The following AP4E1 variants were observed in gnomAD, a reference collection of about 807,000 sequenced individuals.
AP4E1 encodes the protein AP-4 complex subunit epsilon-1.
In AP4E1, 56 loss-of-function variants were observed where a neutral mutation model predicts 128.2. That is an observed-to-expected ratio of 0.44 (90% CI 0.35 to 0.55). The LOEUF (loss-of-function observed/expected upper bound fraction) is 0.55. Among genes scored for constraint, AP4E1 ranks in the 20% least tolerant of loss-of-function variants. The probability of loss-of-function intolerance (pLI) is 0.00; values close to 1 mark genes in which losing one functional copy is unlikely to be tolerated. For synonymous variants in AP4E1, 484 were observed against 473.1 expected, an observed-to-expected ratio of 1.02 and a Z score of -0.30; for missense variants, 1,324 against 1,307.7, an observed-to-expected ratio of 1.01 and a Z score of -0.19.
intron 13 of AP4E1, among the ~76,000 whole-genome samples, chr15:50,955,250 T>G (rs2064202966): frequency 6.6e-6 from 1 of 152,218 alleles, no homozygotes; most frequent in South Asian, 2.1e-4. Context: ...CCTTGAGGAA[T>G]AGCCACACTG....
chr15:50,923,951 T>C lies in AP4E1; in HGVS notation c.367T>C (p.Phe123Leu), dbSNP rs2063738550. 2 of 1,612,262 alleles carry C rather than the reference T, an allele frequency of 1.2e-6. No individual in the cohort carries two copies. The highest frequency in any genetic ancestry group is 2.2e-5 in the East Asian group (1 of 44,732). Residue 123 changes from phenylalanine (F) to leucine (L), a missense_variant, in exon 4 of 21, where the codon TTT (phenylalanine) becomes CTT (leucine). By Grantham distance (22) the Phe-to-Leu change is conservative (BLOSUM62 0). Transcript: ENST00000261842. ...KRVGYLAVSLFLHESHELLLL... is the reference protein window; with the variant it reads ...KRVGYLAVSLLLHESHELLLL... ...TATAGGTTATTTGGCTGTTTCCTTATTTCTACATGAAAGTCATGAATTATT... is the reference window on the plus strand; with the variant it reads ...TATAGGTTATTTGGCTGTTTCCTTACTTCTACATGAAAGTCATGAATTATT...
chr15:50,957,018 A>G (rs961300754), intron 13 of AP4E1, among the ~76,000 whole-genome samples: 1 of 152,052 alleles, frequency 6.6e-6, no homozygotes, highest in Non-Finnish European at 1.5e-5. Context: ...GGCAGCATCT[A>G]GTGGGGAGTA....
chr15:50,985,739 T>C (rs1349986884), intron 16 of AP4E1, among the ~76,000 whole-genome samples: 1 of 152,206 alleles, frequency 6.6e-6, no homozygotes, highest in Non-Finnish European at 1.5e-5. Flanking sequence ...TGAAGTCAGG[T>C]AGAGTGATGC....
rs2140944316 is a variant in AP4E1, at chr15:51,005,346, C to G, written c.*2684C>G. 1 of 152,958 alleles carries G rather than the reference C, an allele frequency of 6.5e-6. No individual in the cohort carries two copies. The allele number at this position is 152,958 out of a possible 1,614,324, so 9.5% of individuals were successfully genotyped here. A position where few individuals can be genotyped will look rare whatever the true frequency, so the allele number is the denominator to read the frequency against. ...AATGGAGATGGCAGCAAGTGTGAAT[C>G]TGGGGGAATATAAGGGAAGACAGAA... is the stretch of plus-strand genomic sequence containing the variant. On this transcript the variant is annotated 3_prime_UTR_variant, in exon 21 of 21. Transcript: ENST00000261842.
chr15:50,982,439 A>T (rs966737959), intron 15 of AP4E1, among the ~76,000 whole-genome samples: 2 of 152,210 alleles, frequency 1.3e-5, no homozygotes, highest in African/African-American at 4.8e-5. Flanking sequence ...GAGTTTTTTA[A>T]AAATGAGACT....
chr15:50,997,607 A>T lies in AP4E1; in HGVS notation c.2628A>T (p.Ser876=). 1 of 1,614,080 alleles carries T rather than the reference A, an allele frequency of 6.2e-7. No homozygotes were observed. The highest frequency in any genetic ancestry group is 1.1e-5 in the South Asian group (1 of 91,076). ...KFSYCSLSTP[S]LFANNNMEIF... ...CATATTGTAGTCTGTCTACACCTTC[A>T]TTGTTTGCTAATAACAACATGGAAA... The change falls in exon 18 of 21, where the codon TCA becomes TCT. Residue 876 remains serine, a synonymous_variant. Transcript: ENST00000261842.
rs752770458 is a variant in AP4E1, at chr15:50,997,394, C to A, written c.2415C>A (p.Gly805=). The A allele has an allele frequency of 5.0e-6, 8 of 1,605,428 alleles. No individual in the cohort carries two copies. The highest frequency in any genetic ancestry group is 6.8e-6 in the Non-Finnish European group (8 of 1,177,138). Residue 805 remains glycine, a synonymous_variant, in exon 18 of 21, where the codon GGC becomes GGA. Coordinates refer to ENST00000261842, the MANE Select transcript of AP4E1 (RefSeq NM_007347.5). The part of the protein sequence containing the change: ...RKSKVKEAKS[G]ETTSTHNMTC... ...CAAAAGTCAAAGAAGCTAAAAGTGGCGAAACAACCAGTACTCATAATATGA... is the reference window on the plus strand; with the variant it reads ...CAAAAGTCAAAGAAGCTAAAAGTGGAGAAACAACCAGTACTCATAATATGA...
chr15:50,946,319 G>A (rs922862402), intron 10 of AP4E1, among the ~76,000 whole-genome samples: 7 of 152,024 alleles, frequency 4.6e-5, no homozygotes, highest in Non-Finnish European at 8.8e-5. Flanking sequence ...TGACATTTAA[G>A]ACCAAACGTC....
chr15:50,964,357 A>T (rs1422529830), intron 14 of AP4E1, among the ~76,000 whole-genome samples: 1 of 149,766 alleles, frequency 6.7e-6, no homozygotes, highest in East Asian at 1.9e-4. Flanking sequence ...TGAATTTCTC[A>T]TTCAGATCAT....
chr15:50,984,275 G>C (rs2064685417), intron 16 of AP4E1, 130 bp downstream of exon 16: 1 of 1,136,192 alleles, frequency 8.8e-7, no homozygotes, highest in East Asian at 2.5e-5. Context: ...ACTTTCAAGA[G>C]GTCTATTGTT....
At chr15:50,944,411 A>G (rs2064029657) in intron 10 of AP4E1, among the ~76,000 whole-genome samples, 2 of 152,194 alleles carry the variant, frequency 1.3e-5, no homozygotes, top group East Asian at 1.9e-4. Flanking sequence ...TGGAAATGCC[A>G]TATTTCATGG....
At chr15:50,935,927 G>T (rs1429699263) in intron 8 of AP4E1, among the ~76,000 whole-genome samples, 1 of 152,174 alleles carries the variant, frequency 6.6e-6, no homozygotes. Context: ...TGTATGAATG[G>T]TAATTAAGGT....
At chr15:50,938,809 A>C (rs555094728) in intron 8 of AP4E1, among the ~76,000 whole-genome samples, 43 of 152,280 alleles carry the variant, frequency 2.8e-4, no homozygotes, top group African/African-American at 1.0e-3. Context: ...TACTCCCTCC[A>C]ACAATAACCA....
At chr15:50,908,279 G>T (rs535083708), upstream of AP4E1, among the ~76,000 whole-genome samples, 1 of 151,798 alleles carries the variant, frequency 6.6e-6, no homozygotes, top group African/African-American at 2.4e-5. Flanking sequence ...CCGGGGACCC[G>T]CGTGAAACCG....
chr15:50,940,686 T>G (rs1198759325), intron 8 of AP4E1, among the ~76,000 whole-genome samples: 1 of 152,208 alleles, frequency 6.6e-6, no homozygotes, highest in African/African-American at 2.4e-5. Context: ...TTTTTCTTTA[T>G]CATGGCAAAG....
At chr15:50,999,332 T>A in intron 19 of AP4E1, 70 bp downstream of exon 19, 1 of 1,349,800 alleles carries the variant, frequency 7.4e-7, no homozygotes, top group Non-Finnish European at 1.0e-6. Context: ...CTTCTCTGGA[T>A]GGAGGCACTA....
At chr15:50,911,479 ATTT>A (rs536958160) in intron 1 of AP4E1, among the ~76,000 whole-genome samples, 144 of 124,652 alleles carry the variant, frequency 1.2e-3, no homozygotes, top group Admixed American at 2.4e-3. Flanking sequence ...TCCACCTTTA[ATTT>A]TTTTTTTTTT....
At position 50,977,716 on chromosome 15, in the gene AP4E1, T is replaced by TTTTTG. The variant is rs1567250862; in HGVS notation, c.1967-6302_1967-6301insGTTTT. On this transcript the variant is annotated intron_variant, in intron 15 of 20. Coordinates refer to ENST00000261842, the MANE Select transcript of AP4E1 (RefSeq NM_007347.5). ...TATCAATCTGTTATGGTTTTTTTTT[T>TTTTTG]TTTTTTTTTTAGACAGAGTCTCTCT... is the stretch of plus-strand genomic sequence containing the variant. 9.9e-4 allele frequency among the ~76,000 whole-genome samples: 63 copies of TTTTTG among 63,726 alleles called. 2 individuals are homozygous for TTTTTG. Among genetic ancestry groups the TTTTTG allele is most frequent in the Non-Finnish European group, 4.8e-4 (12 of 25,222 alleles). The allele number at this position is 63,726 out of a possible 152,430, so 41.8% of individuals were successfully genotyped here. A position where few individuals can be genotyped will look rare whatever the true frequency, so the allele number is the denominator to read the frequency against.
chr15:50,908,826 T>G lies in AP4E1; in HGVS notation c.48T>G (p.Phe16Leu). ...CGCTGACGGCGCTGCCGGGACTCTT[T>G]CTGCAGAACCAGCCCGGTGGTGGGC... ...EKTLTALPGL[F>L]LQNQPGGGPA... Residue 16 changes from phenylalanine to leucine, a missense_variant, in exon 1 of 21, where the codon TTT becomes TTG. By Grantham distance (22) the Phe-to-Leu change is conservative. Coordinates refer to ENST00000261842, the MANE Select transcript of AP4E1 (RefSeq NM_007347.5). 6.2e-7 allele frequency: 1 copy of G among 1,606,928 alleles called. No homozygotes were observed. The highest frequency in any genetic ancestry group is 1.1e-5 in the South Asian group (1 of 90,004).
Sources: gnomAD v4.1 joint callset for allele counts (sites outside exome capture counted in the v4.1 genomes callset) on GRCh38, gnomAD v4.1.1 for gene constraint, MANE v1.5 for transcripts, NCBI Gene and HGNC (gene_info 2026-07-23, HGNC 2026-07-21) for gene names.